Variants in CDC14B observed in about 807,000 individuals in gnomAD.
The protein encoded by CDC14B is dual specificity protein phosphatase CDC14B.
In CDC14B, 22 loss-of-function variants were observed where a neutral mutation model predicts 64.2. That is an observed-to-expected ratio of 0.34 (90% confidence interval 0.24 to 0.49). The LOEUF (loss-of-function observed/expected upper bound fraction) is 0.49, where lower values mean the gene tolerates loss of function less well. Ranked by LOEUF, CDC14B falls within the 20% of genes least tolerant of loss-of-function variation. CDC14B has a pLI of 0.99. For missense variants in CDC14B, 498 were observed against 629.9 expected (o/e 0.79, Z 2.24); for synonymous variants, 191 against 215.8 (o/e 0.89, Z 1.01).
intron 6 of CDC14B, among the ~76,000 whole-genome samples, chr9:96,540,404 G>A (rs1001626115): frequency 6.6e-6 from 1 of 152,132 alleles, no homozygotes; most frequent in African/African-American, 2.4e-5. Flanking sequence ...AGGCCAAGGT[G>A]AGTGGATCGC....
At position 96,586,286 on chromosome 9, in the gene CDC14B, C is replaced by T. The variant is rs75668655; in HGVS notation, c.161-20803G>A. On this transcript the variant is annotated intron_variant, in intron 1 of 13. Transcript: ENST00000375241. ...AGAATATAATTGAGAATTATCTTGA[C>T]CTTAGTATCTGTTACAGACTGTTGA... 7.0e-3 allele frequency among the ~76,000 whole-genome samples: 1,066 copies of T among 152,086 alleles called. 18 individuals are homozygous for T. The highest frequency in any genetic ancestry group is 0.024 in the African/African-American group (988 of 41,452).
At chr9:96,505,245 A>G (rs571246916) in intron 13 of CDC14B, among the ~76,000 whole-genome samples, 1 of 151,954 alleles carries the variant, frequency 6.6e-6, no homozygotes, top group East Asian at 1.9e-4. Context: ...CAGCCCCCAC[A>G]ATATGAAGAA....
Position 96,509,728 on chromosome 9 carries a change from C to CA in CDC14B, c.1404dup (p.Ala469CysfsTer5). 1.2e-6 allele frequency: 2 copies of CA among 1,613,418 alleles called. No homozygotes were observed. Among genetic ancestry groups the CA allele is most frequent in the Non-Finnish European group, 1.7e-6 (2 of 1,179,430 alleles). On this transcript the variant is annotated frameshift_variant, in exon 13 of 14. Transcript: ENST00000375241. LOFTEE classifies it high-confidence loss of function. ...CTGGTGGTTCTTTTAGTAATGCCTG[C>CA]ACTGCCAGAAATGTTAGGTTCAGAT...
At position 96,523,401 on chromosome 9, in the gene CDC14B, G is replaced by A. The variant is rs868111541; in HGVS notation, c.1105C>T (p.Leu369=). The A allele has an allele frequency of 2.5e-6, 4 of 1,614,076 alleles. No individual in the cohort carries two copies. In the Middle Eastern group the frequency reaches 4.9e-4, roughly 200 times the overall value. ...TTCTGACGAAAATAGTCCCCTTCCA[G>A]CCAGAGGTTGGTTTGCTTCCTAGAG... ...FLVMKQTNLW[L]EGDYFRQKLK... Residue 369 remains leucine (L), a synonymous_variant, in exon 11 of 14, where the codon CTG becomes TTG. Coordinates refer to ENST00000375241, the MANE Select transcript of CDC14B (RefSeq NM_033331.4).
At chr9:96,591,903 G>A (rs1343884986) in intron 1 of CDC14B, among the ~76,000 whole-genome samples, 9 of 151,796 alleles carry the variant, frequency 5.9e-5, no homozygotes, top group African/African-American at 1.2e-4. Context: ...CCACCAACTC[G>A]CCCGGCTAAT....
chr9:96,518,254 C>T (rs983618523), intron 12 of CDC14B, among the ~76,000 whole-genome samples: 8 of 152,146 alleles, frequency 5.3e-5, no homozygotes, highest in Non-Finnish European at 8.8e-5. Flanking sequence ...CAGTGGCTCA[C>T]GCCTGTAATC....
At chr9:96,517,651 A>G (rs1273161385) in intron 12 of CDC14B, among the ~76,000 whole-genome samples, 1 of 145,156 alleles carries the variant, frequency 6.9e-6, no homozygotes, top group African/African-American at 2.5e-5. Flanking sequence ...CTCAAAAAAA[A>G]AAAAAAAAAA....
intron 4 of CDC14B, among the ~76,000 whole-genome samples, chr9:96,555,079 G>A (rs370800028): frequency 1.1e-4 from 17 of 152,336 alleles, no homozygotes; most frequent in African/African-American, 3.6e-4. Flanking sequence ...GACCAAGAGA[G>A]CTGCTGACCA....
intron 7 of CDC14B, 77 bp from the exon 8 acceptor site, chr9:96,534,619 G>A (rs1402784706): frequency 7.4e-6 from 7 of 950,006 alleles, no homozygotes; most frequent in Admixed American, 6.5e-5. Context: ...CTGAGTCTCT[G>A]AAGGACTTCA....
intron 9 of CDC14B, among the ~76,000 whole-genome samples, chr9:96,525,611 T>C (rs1483399667): frequency 6.6e-6 from 1 of 152,196 alleles, no homozygotes; most frequent in African/African-American, 2.4e-5. Flanking sequence ...GATGATTCTC[T>C]AGCCTTAAGA....
chr9:96,597,724 A>G (rs1247222826), intron 1 of CDC14B, among the ~76,000 whole-genome samples: 1 of 152,204 alleles, frequency 6.6e-6, no homozygotes, highest in Non-Finnish European at 1.5e-5. Context: ...TGCCAGTTGG[A>G]AATCTGTATT....
At chr9:96,574,182 C>T (rs928775979) in intron 1 of CDC14B, among the ~76,000 whole-genome samples, 7 of 151,330 alleles carry the variant, frequency 4.6e-5, no homozygotes, top group Non-Finnish European at 1.0e-4. Context: ...GGCTCCTGTT[C>T]TATCACATAT....
chr9:96,525,961 C>T (rs760690057), intron 9 of CDC14B, among the ~76,000 whole-genome samples: 2 of 152,150 alleles, frequency 1.3e-5, no homozygotes, highest in Non-Finnish European at 1.5e-5. Flanking sequence ...AACCCAAATC[C>T]ATATATTGTT....
At chr9:96,503,860 G>T (rs1421198707) in intron 13 of CDC14B, 71 bp from the exon 14 acceptor site, 6 of 1,191,024 alleles carry the variant, frequency 5.0e-6, no homozygotes. Context: ...TCAAAGACAA[G>T]GAGGGCAACA....
At chr9:96,553,710 A>G (rs1312687633) in intron 4 of CDC14B, among the ~76,000 whole-genome samples, 4 of 152,106 alleles carry the variant, frequency 2.6e-5, no homozygotes, top group African/African-American at 9.7e-5. Context: ...AAATTAAAAC[A>G]TTTAAAAAAA....
At chr9:96,504,137 G>A (rs1218501108) in intron 13 of CDC14B, among the ~76,000 whole-genome samples, 1 of 152,312 alleles carries the variant, frequency 6.6e-6, no homozygotes, top group Non-Finnish European at 1.5e-5. Context: ...AGCACTCCTT[G>A]TCCTTCCTTT....
rs866912443 is a variant in CDC14B at position 96,580,303 on chromosome 9, C to T, written c.161-14820G>A. Among the ~76,000 whole-genome samples the T allele has an allele frequency of 1.8e-4, 27 of 151,614 alleles. No individual in the cohort carries two copies. In the Middle Eastern group the frequency reaches 0.01, roughly 57 times the overall value. On this transcript the variant is annotated intron_variant, in intron 1 of 13. Transcript: ENST00000375241. The stretch of plus-strand genomic sequence containing the variant: ...TTGGAGTGCAATGGCCCAATCTCAG[C>T]TCACCGCAACCTCCGCCTCCCAGGT...
At chr9:96,545,609 C>T (rs896836417) in intron 5 of CDC14B, among the ~76,000 whole-genome samples, 15 of 152,088 alleles carry the variant, frequency 9.9e-5, no homozygotes, top group Admixed American at 2.0e-4. Flanking sequence ...TGAGCCACTG[C>T]GCCTGGCTTG....
intron 1 of CDC14B, among the ~76,000 whole-genome samples, chr9:96,596,302 T>C (rs1420627698): frequency 6.2e-5 from 9 of 144,412 alleles, no homozygotes; most frequent in Non-Finnish European, 1.3e-4. Context: ...GCAGAGGTCA[T>C]AGTGAGCCGA....
Sources: gnomAD v4.1 joint callset for allele counts (sites outside exome capture counted in the v4.1 genomes callset) on GRCh38, gnomAD v4.1.1 for gene constraint, MANE v1.5 for transcripts, NCBI Gene and HGNC (gene_info 2026-07-23, HGNC 2026-07-21) for gene names.